Variants in EFR3B observed in about 807,000 individuals in gnomAD.
EFR3B encodes the protein protein EFR3 homolog B.
In EFR3B, 64 loss-of-function variants were observed where a neutral mutation model predicts 104.7. The ratio of observed to expected loss-of-function variants is 0.61; its 90% confidence interval spans 0.50 to 0.75. The LOEUF is 0.75. Among genes scored for constraint, EFR3B ranks in the 30% least tolerant of loss-of-function variants. The pLI is 0.00. For missense variants in EFR3B, 750 were observed against 1,078.5 expected (o/e 0.70, Z 4.27); for synonymous variants, 385 against 417.9 (o/e 0.92, Z 0.96).
rs1670322117 is a variant in EFR3B, at chr2:25,131,306, G to T, written c.850-62G>T. The T allele has an allele frequency of 4.6e-6, 7 of 1,529,666 alleles. No individual in the cohort carries two copies. Among genetic ancestry groups the T allele is most frequent in the Non-Finnish European group, 5.3e-6 (6 of 1,134,278 alleles). The allele number at this position is 1,529,666 out of a possible 1,614,324, so 94.8% of individuals were successfully genotyped here. On this transcript the variant is annotated intron_variant, in intron 8 of 22. Coordinates refer to ENST00000403714, the MANE Select transcript of EFR3B (RefSeq NM_014971.2). The surrounding 1 kb of genome is among the most constrained non-coding windows in gnomAD (Gnocchi z 7.6). ...CCCCGCCTTTGGGTGCCAGGAGAGG[G>T]CTGCGCAGCCCAGGGACCCCGTGGG... is the stretch of plus-strand genomic sequence containing the variant.
At chr2:25,091,792 G>C (rs1476496542) in intron 2 of EFR3B, among the ~76,000 whole-genome samples, 2 of 152,180 alleles carry the variant, frequency 1.3e-5, no homozygotes, top group Non-Finnish European at 2.9e-5. Context: ...GTTGGGCTCA[G>C]GAGCCCAGGT....
intron 10 of EFR3B, 70 bp from the exon 11 acceptor site, chr2:25,132,833 T>C: frequency 7.5e-7 from 1 of 1,329,226 alleles, no homozygotes; most frequent in Non-Finnish European, 1.1e-6. Flanking sequence ...TCTCTGCAGC[T>C]GAAAGGCTGA....
chr2:25,100,739 GC>G (rs1366396804), intron 3 of EFR3B, among the ~76,000 whole-genome samples: 2 of 152,132 alleles, frequency 1.3e-5, no homozygotes, highest in Non-Finnish European at 2.9e-5. Flanking sequence ...TGATCTGCCC[GC>G]CTCGGCCTCC....
At chr2:25,098,463 G>A (rs1199332822) in intron 3 of EFR3B, among the ~76,000 whole-genome samples, 1 of 151,970 alleles carries the variant, frequency 6.6e-6, no homozygotes. Context: ...CAGGACACCC[G>A]CCCCAGATCA....
At chr2:25,052,562 C>T (rs1231401155) in intron 1 of EFR3B, among the ~76,000 whole-genome samples, 9 of 137,000 alleles carry the variant, frequency 6.6e-5, no homozygotes, top group Admixed American at 1.7e-4. Flanking sequence ...AGTGCAGTGG[C>T]GTGATCTCTG....
Position 25,122,275 on chromosome 2 carries a change from T to C in EFR3B, c.485+481T>C, listed in dbSNP as rs575551993. 3.3e-5 allele frequency among the ~76,000 whole-genome samples: 5 copies of C among 152,192 alleles called. No homozygotes were observed. The South Asian group carries it at 1.0e-3, about 32-fold the overall frequency. ...AGCCACTACACCCGGCCCCCACATG[T>C]GGTTTCTAAAGGAAAAACTGCTTGG... is the stretch of plus-strand genomic sequence containing the variant. On this transcript the variant is annotated intron_variant, in intron 5 of 22. Transcript: ENST00000403714.
rs1472746588 is a variant in EFR3B, at chr2:25,157,626, G to A, written c.*3286G>A. ...GGCTAGCATTGGTCAGGACTCTGCT[G>A]ACAGCACTGAGTAGGCAGGAATGTA... On this transcript the variant is annotated 3_prime_UTR_variant, in exon 23 of 23. Transcript: ENST00000403714. 1.3e-5 allele frequency: 2 copies of A among 152,284 alleles called. No homozygotes were observed. Among genetic ancestry groups the A allele is most frequent in the African/African-American group, 4.8e-5 (2 of 41,466 alleles). The allele number at this position is 152,284 out of a possible 1,614,324, so 9.4% of individuals were successfully genotyped here.
At chr2:25,104,310 G>A (rs1386757527) in intron 4 of EFR3B, among the ~76,000 whole-genome samples, 2 of 152,078 alleles carry the variant, frequency 1.3e-5, no homozygotes, top group African/African-American at 4.8e-5. Flanking sequence ...CAGAGGTTGC[G>A]GTGAGTCGAG....
At chr2:25,076,666 C>G (rs1441335692) in intron 1 of EFR3B, among the ~76,000 whole-genome samples, 2 of 152,166 alleles carry the variant, frequency 1.3e-5, no homozygotes, top group East Asian at 3.8e-4. Context: ...CTATTCTTTG[C>G]TTGAAGAGCA....
chr2:25,127,152 A>G lies in EFR3B; in HGVS notation c.486-1031A>G, dbSNP rs1670189016. 5.7e-5 allele frequency among the ~76,000 whole-genome samples: 8 copies of G among 139,894 alleles called. No homozygotes were observed. In the South Asian group the frequency reaches 1.9e-3, roughly 33 times the overall value. The allele number at this position is 139,894 out of a possible 152,430, so 91.8% of individuals were successfully genotyped here. On this transcript the variant is annotated intron_variant, in intron 5 of 22. Transcript: ENST00000403714. ...GGTTGCAGTAAGCCAAGATCGCACCATTGCACTCCAGCCTGGGCGACAGAG... is the reference window on the plus strand; with the variant it reads ...GGTTGCAGTAAGCCAAGATCGCACCGTTGCACTCCAGCCTGGGCGACAGAG...
At chr2:25,094,988 A>G (rs1459690311) in intron 3 of EFR3B, among the ~76,000 whole-genome samples, 3 of 151,854 alleles carry the variant, frequency 2.0e-5, no homozygotes, top group Admixed American at 2.0e-4. Context: ...ATGGAGTTTC[A>G]CCATGTTGCC....
In EFR3B at chr2:25,091,400, A is replaced by T. The variant is rs756630542; in HGVS notation, c.83A>T (p.Glu28Val). 52 of 1,548,928 alleles carry T rather than the reference A, an allele frequency of 3.4e-5. No individual in the cohort carries two copies. The highest frequency in any genetic ancestry group is 4.5e-5 in the Non-Finnish European group (51 of 1,145,984). The change falls in exon 2 of 23, where the codon GAG (glutamate) becomes GTG (valine). Residue 28 changes from glutamate (E) to valine (V), a missense_variant and splice_region_variant. Transcript: ENST00000403714. ...GACAACATCTTCCCTGAGGATCCCG[A>T]GGTGGGTCATGTCTCTGGCAGGCAT... ...LVDNIFPEDP[E>V]DGLVKTNMEK...
At chr2:25,080,193 T>G in intron 1 of EFR3B, 1 of 1,586,482 alleles carries the variant, frequency 6.3e-7, no homozygotes, top group Non-Finnish European at 8.6e-7. Flanking sequence ...CCTTTTTATC[T>G]GAAGTGATAA....
At chr2:25,151,882 G>T (rs773779573) in intron 20 of EFR3B, 32 bp from the exon 21 acceptor site, 1 of 1,550,334 alleles carries the variant, frequency 6.5e-7, no homozygotes, top group South Asian at 1.2e-5. Context: ...AGTGAGCAGG[G>T]CCTGGCACTA....
intron 1 of EFR3B, among the ~76,000 whole-genome samples, chr2:25,067,260 G>A (rs940673027): frequency 7.2e-5 from 11 of 152,052 alleles, no homozygotes; most frequent in Non-Finnish European, 1.5e-5. Context: ...AGCTCTACTC[G>A]GTGACCAGCG....
At chr2:25,146,257 A>C (rs1670813099) in intron 19 of EFR3B, 1 of 151,952 alleles carries the variant, frequency 6.6e-6, no homozygotes, top group African/African-American at 2.4e-5. Context: ...GACAGCTTTG[A>C]CATCAAGCCT....
At chr2:25,133,584 C>T (rs565245884) in intron 12 of EFR3B, 150 bp downstream of exon 12, 17 of 868,452 alleles carry the variant, frequency 2.0e-5, no homozygotes, top group East Asian at 1.3e-4. Flanking sequence ...ATCTAGCCTA[C>T]GTTCCACTCA....
intron 1 of EFR3B, among the ~76,000 whole-genome samples, chr2:25,053,809 A>G (rs1196117017): frequency 6.6e-6 from 1 of 152,188 alleles, no homozygotes; most frequent in Non-Finnish European, 1.5e-5. Flanking sequence ...CAGGAGGCTG[A>G]GGCAGGAGAA....
At chr2:25,074,282 T>C (rs957231393) in intron 1 of EFR3B, among the ~76,000 whole-genome samples, 11 of 152,134 alleles carry the variant, frequency 7.2e-5, no homozygotes, top group African/African-American at 2.4e-4. Context: ...GGAAGCATCT[T>C]TGGCTGAGCA....
Sources: allele counts gnomAD v4.1 joint callset (sites outside exome capture counted in the v4.1 genomes callset), GRCh38; gene constraint gnomAD v4.1.1; non-coding constraint Gnocchi (gnomAD v3.1); transcripts MANE v1.5; gene names NCBI Gene and HGNC (gene_info 2026-07-23, HGNC 2026-07-21).